Variants in ZBTB21 observed in about 807,000 individuals in gnomAD.
ZBTB21 encodes zinc finger and BTB domain containing 21, also known as zinc finger and BTB domain-containing protein 21.
ZBTB21 carries 10 observed loss-of-function variants against 39.8 expected under a neutral mutation model. The observed-to-expected ratio is 0.25, with a 90% CI of 0.16 to 0.43. The LOEUF (loss-of-function observed/expected upper bound fraction) is 0.43. Among genes scored for constraint, ZBTB21 ranks in the 20% least tolerant of loss-of-function variants. The pLI is 1.00. For missense variants in ZBTB21, 1,221 were observed against 1,296.3 expected (o/e 0.94, Z 0.89); for synonymous variants, 551 against 498.8 (o/e 1.10, Z -1.40).
intron 1 of ZBTB21, among the ~76,000 whole-genome samples, chr21:42,004,956 G>A (rs1423352713): frequency 1.3e-5 from 2 of 152,280 alleles, no homozygotes; most frequent in Middle Eastern, 3.4e-3. Flanking sequence ...TGGTGACAAC[G>A]CAAATATCCT....
Position 41,990,859 on chromosome 21 carries a change from G to A in ZBTB21, c.*36C>T. 1 of 1,405,404 alleles carries A rather than the reference G, an allele frequency of 7.1e-7. No individual in the cohort carries two copies. The highest frequency in any genetic ancestry group is 9.3e-7 in the Non-Finnish European group (1 of 1,074,408). The allele number at this position is 1,405,404 out of a possible 1,614,324, so 87.1% of individuals were successfully genotyped here. The stretch of plus-strand genomic sequence containing the variant: ...CATTTCACAATTCAGGTTGAAATCT[G>A]GGGACTGCCTCCCATAGGTAAAAAG... On this transcript the variant is annotated 3_prime_UTR_variant, in exon 3 of 3. Coordinates refer to ENST00000310826, the MANE Select transcript of ZBTB21 (RefSeq NM_001098402.2).
rs1387135062 is a variant in ZBTB21, at chr21:41,990,295, T to C, written c.*600A>G. ...GTTTATAAAAATCTAAGTGTTACTA[T>C]TGCTGATTTAAATTTCTCACAATTT... is the stretch of plus-strand genomic sequence containing the variant. On this transcript the variant is annotated 3_prime_UTR_variant, in exon 3 of 3. Coordinates refer to ENST00000310826, the MANE Select transcript of ZBTB21 (RefSeq NM_001098402.2). 2.0e-5 allele frequency: 3 copies of C among 152,790 alleles called. No individual in the cohort carries two copies. Among genetic ancestry groups the C allele is most frequent in the East Asian group, 3.8e-4 (2 of 5,196 alleles). The allele number at this position is 152,790 out of a possible 1,614,324, so 9.5% of individuals were successfully genotyped here. A position where few individuals can be genotyped will look rare whatever the true frequency, so the allele number is the denominator to read the frequency against.
chr21:41,992,733 CTGT>C lies in ZBTB21; in HGVS notation c.1360_1362del (p.Thr454del), dbSNP rs752720113. The stretch of plus-strand genomic sequence containing the variant: ...GTGACCGACGAAGATGAGGCAGCTG[CTGT>C]TGTTGCCGCATCTCCCACAGTGACG... On this transcript the variant is annotated inframe_deletion, in exon 3 of 3. Coordinates refer to ENST00000310826, the MANE Select transcript of ZBTB21 (RefSeq NM_001098402.2). The surrounding 1 kb of genome is among the most constrained non-coding windows in gnomAD (Gnocchi z 4.1). The C allele has an allele frequency of 3.7e-6, 6 of 1,614,050 alleles. No homozygotes were observed. Among genetic ancestry groups the C allele is most frequent in the East Asian group, 4.5e-5 (2 of 44,896 alleles).
rs1177439426 is a variant in ZBTB21, at chr21:41,993,808, C to T, written c.288G>A (p.Lys96=). 6.2e-7 allele frequency: 1 copy of T among 1,614,222 alleles called. No individual in the cohort carries two copies. The highest frequency in any genetic ancestry group is 1.1e-5 in the South Asian group (1 of 91,066). Residue 96 remains lysine, a synonymous_variant, in exon 3 of 3, where the codon AAG becomes AAA. Transcript: ENST00000310826. ...YIYSSSLFVE[K]SSLAAVQELG... is the part of the protein sequence containing the mutation. ...GTTCTTGCACAGCAGCAAGGCTGCTCTTCTCAACAAATAGAGAGGAAGAAT... is the reference window on the plus strand; with the variant it reads ...GTTCTTGCACAGCAGCAAGGCTGCTTTTCTCAACAAATAGAGAGGAAGAAT...
Position 41,993,071 on chromosome 21 carries a change from C to T in ZBTB21, c.1025G>A (p.Arg342Gln), listed in dbSNP as rs767033947. ...SGPLVKSLLR[R>Q]SLSMDSQVPV... ...AACCTGGCTATCCATCGACAATGACCGTCTGAGGAGACTCTTAACAAGTGG... is the reference window on the plus strand; with the variant it reads ...AACCTGGCTATCCATCGACAATGACTGTCTGAGGAGACTCTTAACAAGTGG... Residue 342 changes from arginine (R) to glutamine (Q), a missense_variant, in exon 3 of 3, where the codon CGG becomes CAG. Physicochemically the swap from Arg to Gln is conservative, Grantham distance 43. Around this residue, in one of 4 missense-constraint regions of ZBTB21, gnomAD observed 500 missense variants for 465.6 expected, o/e 1.07. Transcript: ENST00000310826. 9 of 1,614,056 alleles carry T rather than the reference C, an allele frequency of 5.6e-6. No individual in the cohort carries two copies. Among genetic ancestry groups the T allele is most frequent in the African/African-American group, 5.3e-5 (4 of 74,904 alleles).
intron 1 of ZBTB21, among the ~76,000 whole-genome samples, chr21:42,006,605 T>C (rs927112118): frequency 1.3e-5 from 2 of 152,080 alleles, no homozygotes; most frequent in African/African-American, 4.8e-5. Context: ...AGAATATTAA[T>C]CACCTTTCAA....
At chr21:41,994,795 T>C (rs1005419303) in intron 2 of ZBTB21, among the ~76,000 whole-genome samples, 14 of 138,400 alleles carry the variant, frequency 1.0e-4, no homozygotes, top group Non-Finnish European at 1.9e-4. Flanking sequence ...AAATCTCCTC[T>C]TGAATTGTAA....
Position 41,992,794 on chromosome 21 carries a change from G to A in ZBTB21, c.1302C>T (p.Ser434=), listed in dbSNP as rs775712124. The change falls in exon 3 of 3, where the codon AGC becomes AGT. Residue 434 remains serine (S), a synonymous_variant. Coordinates refer to ENST00000310826, the MANE Select transcript of ZBTB21 (RefSeq NM_001098402.2). The surrounding 1 kb of genome is among the most constrained non-coding windows in gnomAD (Gnocchi z 4.1). Reference sequence around the variant, plus strand: ...TGTCCGAGGGGTCCGACAGCGGGCTGCTGGGCTCAGTCTTTATGCGCACCT... The same window carrying A: ...TGTCCGAGGGGTCCGACAGCGGGCTACTGGGCTCAGTCTTTATGCGCACCT... ...VTEVRIKTEP[S]SPLSDPSDII... is the part of the protein sequence containing the mutation. 13 of 1,614,046 alleles carry A rather than the reference G, an allele frequency of 8.1e-6. No homozygotes were observed. Among genetic ancestry groups the A allele is most frequent in the Non-Finnish European group, 1.0e-5 (12 of 1,180,016 alleles).
In ZBTB21 at chr21:42,004,085, C is replaced by T. The variant is rs370502177; in HGVS notation, c.-78-1124G>A. Among the ~76,000 whole-genome samples, 1,206 of 151,780 alleles carry T rather than the reference C, an allele frequency of 7.9e-3. 6 individuals carry two copies. The highest frequency in any genetic ancestry group is 0.038 in the Middle Eastern group (11 of 292). ...CATGATCTTGGCTCACTGCAACCTCCGCCTCCTGGGTTCAAGCAATTCTCC... is the reference window on the plus strand; with the variant it reads ...CATGATCTTGGCTCACTGCAACCTCTGCCTCCTGGGTTCAAGCAATTCTCC... On this transcript the variant is annotated intron_variant, in intron 1 of 2. Transcript: ENST00000310826.
In ZBTB21 at chr21:42,010,296, A is replaced by G; in HGVS notation, c.-123T>C. On this transcript the variant is annotated 5_prime_UTR_variant, in exon 1 of 3. Transcript: ENST00000310826. ...AGACGCCGGGCCCCTTTCCGCTCAC[A>G]CTCGGCTCGCGCGCGCCGCAGCCGC... is the stretch of plus-strand genomic sequence containing the variant. 1 of 398,152 alleles carries G rather than the reference A, an allele frequency of 2.5e-6. No individual in the cohort carries two copies. Among genetic ancestry groups the G allele is most frequent in the Non-Finnish European group, 4.4e-6 (1 of 225,922 alleles). 24.7% of individuals were successfully genotyped at this position (398,152 alleles called of 1,614,324 possible). A position where few individuals can be genotyped will look rare whatever the true frequency, so the allele number is the denominator to read the frequency against.
At chr21:42,000,899 C>A (rs1462296674) in intron 2 of ZBTB21, among the ~76,000 whole-genome samples, 1 of 152,216 alleles carries the variant, frequency 6.6e-6, no homozygotes, top group East Asian at 1.9e-4. Context: ...TCCTGATACA[C>A]AAGTGCAGAA....
In ZBTB21 at chr21:41,993,542, T is replaced by C. The variant is rs871545; in HGVS notation, c.554A>G (p.Asn185Ser). The C allele has an allele frequency of 0.18, 286,789 of 1,614,140 alleles. 27,598 individuals carry two copies. Among genetic ancestry groups the C allele is most frequent in the Non-Finnish European group, 0.2 (234,333 of 1,180,006 alleles). Residue 185 changes from asparagine to serine, a missense_variant, in exon 3 of 3, where the codon AAT becomes AGT. This residue lies in a region of ZBTB21 where 500 missense variants were observed against 465.6 expected (regional missense o/e 1.07). Transcript: ENST00000310826. ...TTTTGGGACATGTGGCTTATTGGTA[T>C]TGGCCTTGACTGCAATGCTAGGAGA... ...RPSPSIAVKA[N>S]TNKPHVPKPI...
At chr21:42,002,021 A>G (rs563903830) in intron 2 of ZBTB21, among the ~76,000 whole-genome samples, 3 of 152,296 alleles carry the variant, frequency 2.0e-5, no homozygotes, top group Non-Finnish European at 4.4e-5. Flanking sequence ...AGGGGAGGAA[A>G]TGCCCATGAG....
Position 41,992,224 on chromosome 21 carries a change from G to GT in ZBTB21, c.1871dup (p.Asp624GlufsTer9). 6.2e-7 allele frequency: 1 copy of GT among 1,614,088 alleles called. No individual in the cohort carries two copies. On this transcript the variant is annotated frameshift_variant, in exon 3 of 3. Coordinates refer to ENST00000310826, the MANE Select transcript of ZBTB21 (RefSeq NM_001098402.2). LOFTEE classifies it high-confidence loss of function. The surrounding 1 kb of genome is among the most constrained non-coding windows in gnomAD (Gnocchi z 4.1). ...TCTTAATTTCTCTCTCTCTCACTAT[G>GT]TCAATCAGCTTTCTTTGGAATTTTT...
chr21:41,997,520 G>A (rs2065762756), intron 2 of ZBTB21, among the ~76,000 whole-genome samples: 1 of 149,824 alleles, frequency 6.7e-6, no homozygotes, highest in Non-Finnish European at 1.5e-5. Flanking sequence ...AGGTTGTAGT[G>A]AGCCAAGATT....
intron 2 of ZBTB21, among the ~76,000 whole-genome samples, chr21:42,000,893 G>A (rs752227129): frequency 2.0e-5 from 3 of 152,148 alleles, no homozygotes; most frequent in Non-Finnish European, 4.4e-5. Flanking sequence ...CCAAATTCCT[G>A]ATACACAAGT....
At chr21:42,009,053 G>A (rs770933947) in intron 1 of ZBTB21, 2 of 152,150 alleles carry the variant, frequency 1.3e-5, no homozygotes, top group Non-Finnish European at 2.9e-5. Context: ...CAGGGTCATC[G>A]TGTGAACAAT....
At chr21:41,996,233 C>G (rs2065744738) in intron 2 of ZBTB21, among the ~76,000 whole-genome samples, 1 of 152,176 alleles carries the variant, frequency 6.6e-6, no homozygotes, top group Admixed American at 6.5e-5. Flanking sequence ...TGCGTGCCTG[C>G]AAAACTCACA....
At position 41,992,506 on chromosome 21, in the gene ZBTB21, A is replaced by G; in HGVS notation, c.1590T>C (p.Asn530=). 2 of 1,614,212 alleles carry G rather than the reference A, an allele frequency of 1.2e-6. No individual in the cohort carries two copies. The highest frequency in any genetic ancestry group is 1.7e-6 in the Non-Finnish European group (2 of 1,180,040). The change falls in exon 3 of 3, where the codon AAT becomes AAC. Residue 530 remains asparagine (N), a synonymous_variant. Transcript: ENST00000310826. This position sits in a 1 kb window ranked among gnomAD's most constrained non-coding sequence, Gnocchi z 4.1. Reference sequence around the variant, plus strand: ...CCTCCAACTCACCAAATTCGTCTTTATTCAAATCAGAATCTGGAAAATCTG... The same window carrying G: ...CCTCCAACTCACCAAATTCGTCTTTGTTCAAATCAGAATCTGGAAAATCTG... ...LDADFPDSDL[N]KDEFGELEGT...
Sources: allele counts gnomAD v4.1 joint callset (sites outside exome capture counted in the v4.1 genomes callset), GRCh38; gene constraint gnomAD v4.1.1; regional missense constraint gnomAD v4.1.1; non-coding constraint Gnocchi (gnomAD v3.1); transcripts MANE v1.5; gene names NCBI Gene and HGNC (gene_info 2026-07-23, HGNC 2026-07-21).